BTBD1: variants seen among roughly 807,000 people sequenced by gnomAD.
BTBD1 encodes the protein BTB domain containing 1.
A neutral mutation model predicts 48.0 loss-of-function variants in BTBD1; 34 were observed. That is an observed-to-expected ratio of 0.71 (90% CI 0.54 to 0.94). The LOEUF (loss-of-function observed/expected upper bound fraction) is 0.94, where lower values mean the gene tolerates loss of function less well. Among genes scored for constraint, BTBD1 ranks in the 40% least tolerant of loss-of-function variants. The pLI is 0.00. For missense variants in BTBD1, 543 were observed against 625.6 expected (o/e 0.87, Z 1.41); for synonymous variants, 261 against 242.1 (o/e 1.08, Z -0.72).
rs775600317 is a variant in BTBD1 at position 83,037,655 on chromosome 15, CCTATTCAACATAGTA to C, written c.862+4058_862+4072del. On this transcript the variant is annotated intron_variant, in intron 4 of 7. Coordinates refer to ENST00000261721, the MANE Select transcript of BTBD1 (RefSeq NM_025238.4). ...GACAAGGATGCTCACTCTAACCACTCCTATTCAACATAGTACTGGTAGTCCCAGCCAGAGCAATCA... is the reference window on the plus strand; with the variant it reads ...GACAAGGATGCTCACTCTAACCACTCCTGGTAGTCCCAGCCAGAGCAATCA... 3.1e-4 allele frequency among the ~76,000 whole-genome samples: 47 copies of C among 152,262 alleles called. 1 individual carries two copies. Among genetic ancestry groups the C allele is most frequent in the Middle Eastern group, 6.8e-3 (2 of 294 alleles).
chr15:83,027,390 A>G (rs1368625267), intron 5 of BTBD1, among the ~76,000 whole-genome samples: 2 of 152,074 alleles, frequency 1.3e-5, no homozygotes, highest in African/African-American at 4.8e-5. Flanking sequence ...AGTATATTCT[A>G]TTTTCTTTAT....
intron 1 of BTBD1, among the ~76,000 whole-genome samples, chr15:83,065,517 T>C (rs571079830): frequency 1.3e-5 from 2 of 152,366 alleles, no homozygotes; most frequent in Admixed American, 6.5e-5. Context: ...CTGATTCAAC[T>C]GTGAACCTTT....
chr15:83,066,727 GGCCC>G lies in BTBD1; in HGVS notation c.401+20_401+23del, dbSNP rs2033282390. On this transcript the variant is annotated intron_variant, in intron 1 of 7. Transcript: ENST00000261721. ...GGCCCGGCCCGGCCCGGCCCGGCCCGGCCCGGCCCGCGCTGCCGCTCACCTCAGC... is the reference window on the plus strand; with the variant it reads ...GGCCCGGCCCGGCCCGGCCCGGCCCGGGCCCGCGCTGCCGCTCACCTCAGC... 7.7e-7 allele frequency: 1 copy of G among 1,303,988 alleles called. No homozygotes were observed. The highest frequency in any genetic ancestry group is 9.7e-7 in the Non-Finnish European group (1 of 1,030,398). The allele number at this position is 1,303,988 out of a possible 1,614,324, so 80.8% of individuals were successfully genotyped here. A position where few individuals can be genotyped will look rare whatever the true frequency, so the allele number is the denominator to read the frequency against.
At chr15:83,043,860 A>G (rs371151614) in intron 3 of BTBD1, among the ~76,000 whole-genome samples, 119 of 152,318 alleles carry the variant, frequency 7.8e-4, no homozygotes, top group Middle Eastern at 3.4e-3. Context: ...TTTGACATCC[A>G]AGTATAAACG....
chr15:83,040,807 G>C (rs1283837002), intron 4 of BTBD1, among the ~76,000 whole-genome samples: 1 of 151,596 alleles, frequency 6.6e-6, no homozygotes, highest in African/African-American at 2.4e-5. Context: ...AATGAAAACA[G>C]GTCAGAAGTG....
At chr15:83,042,374 A>ATATATG (rs1555440271) in intron 3 of BTBD1, among the ~76,000 whole-genome samples, 1 of 121,978 alleles carries the variant, frequency 8.2e-6, no homozygotes. Context: ...ATATATATAT[A>ATATATG]TATGTATGTA....
At chr15:83,061,127 G>C (rs1374153392) in intron 1 of BTBD1, among the ~76,000 whole-genome samples, 1 of 152,158 alleles carries the variant, frequency 6.6e-6, no homozygotes, top group African/African-American at 2.4e-5. Flanking sequence ...CAATGGTATA[G>C]CCTACTACGC....
Position 83,018,825 on chromosome 15 carries a change from A to T in BTBD1, c.1172T>A (p.Leu391Gln), listed in dbSNP as rs765806228. ...ACTAAAGCCGGTATCATTCTGTCCC[A>T]GGGTTTGCTTTTTCTCATATTCAAT... ...QIIEYEKKQTLGQNDTGFSCD... is the reference protein window; with the variant it reads ...QIIEYEKKQTQGQNDTGFSCD... The change falls in exon 7 of 8, where the codon CTG (leucine) becomes CAG (glutamine). Residue 391 changes from leucine to glutamine, a missense_variant. Physicochemically the swap from Leu to Gln is moderately radical, Grantham distance 113. Around this residue, in one of 3 missense-constraint regions of BTBD1, gnomAD observed 300 missense variants for 350.0 expected, o/e 0.86. Coordinates refer to ENST00000261721, the MANE Select transcript of BTBD1 (RefSeq NM_025238.4). 6.2e-7 allele frequency: 1 copy of T among 1,613,846 alleles called. No individual in the cohort carries two copies. The highest frequency in any genetic ancestry group is 8.5e-7 in the Non-Finnish European group (1 of 1,179,880).
rs141376981 is a variant in BTBD1, at chr15:83,031,777, T to C, written c.863-1449A>G. On this transcript the variant is annotated intron_variant, in intron 4 of 7. Transcript: ENST00000261721. ...ATGTACCCTAGAACTTAAAGTATAA[T>C]TAAAAAAAAAAAGAAGATATACAAG... Among the ~76,000 whole-genome samples the C allele has an allele frequency of 5.3e-3, 793 of 148,646 alleles. 1 individual carries two copies. The highest frequency in any genetic ancestry group is 0.021 in the Middle Eastern group (6 of 288).
chr15:83,047,990 G>C (rs2032910434), intron 3 of BTBD1, among the ~76,000 whole-genome samples: 1 of 152,164 alleles, frequency 6.6e-6, no homozygotes, highest in Non-Finnish European at 1.5e-5. Context: ...GAGTGTATGG[G>C]AGCAAGACTG....
intron 3 of BTBD1, among the ~76,000 whole-genome samples, chr15:83,049,625 G>A (rs1293705041): frequency 6.6e-6 from 1 of 151,954 alleles, no homozygotes; most frequent in East Asian, 1.9e-4. Flanking sequence ...AGGGGTACAT[G>A]TGCAGGTTTG....
intron 5 of BTBD1, among the ~76,000 whole-genome samples, chr15:83,028,437 C>T (rs2032453326): frequency 6.6e-6 from 1 of 152,138 alleles, no homozygotes; most frequent in Non-Finnish European, 1.5e-5. Flanking sequence ...GGTACAGATT[C>T]AATATCCTAA....
At chr15:83,027,050 A>G (rs1035365870) in intron 5 of BTBD1, among the ~76,000 whole-genome samples, 1 of 152,104 alleles carries the variant, frequency 6.6e-6, no homozygotes, top group Admixed American at 6.6e-5. Context: ...TTATAATCTT[A>G]AGTCCTAAAA....
In BTBD1 at chr15:83,022,667, G is replaced by GA. The variant is rs796084572; in HGVS notation, c.1056-1906dup. ...ACAGAGCGGGACTCCATCTCAAAAA[G>GA]AAAAAAAAAAAATAGACCAGGCACA... On this transcript the variant is annotated intron_variant, in intron 5 of 7. Coordinates refer to ENST00000261721, the MANE Select transcript of BTBD1 (RefSeq NM_025238.4). 227 of 117,982 alleles carry GA rather than the reference G, an allele frequency of 1.9e-3. 1 individual carries two copies. The highest frequency in any genetic ancestry group is 0.016 in the Middle Eastern group (2 of 126). The allele number at this position is 117,982 out of a possible 1,614,324, so 7.3% of individuals were successfully genotyped here.
At position 83,050,123 on chromosome 15, in the gene BTBD1, T is replaced by C. The variant is rs116738920; in HGVS notation, c.614A>G (p.Lys205Arg). Residue 205 changes from lysine (K) to arginine (R), a missense_variant, in exon 3 of 8, where the codon AAA (lysine) becomes AGA (arginine). Physicochemically the swap from Lys to Arg is conservative, Grantham distance 26. Coordinates refer to ENST00000261721, the MANE Select transcript of BTBD1 (RefSeq NM_025238.4). ...LASLCLDTID[K>R]STMDAISAEG... is the part of the protein sequence containing the mutation. ...TGCACTTATTGCATCCATTGTGCTT[T>C]TGTCTATTGTATCTAGACAAAGACT... The C allele has an allele frequency of 3.4e-4, 555 of 1,613,392 alleles. 4 individuals carry two copies. In the Middle Eastern group the frequency reaches 3.6e-3, roughly 11 times the overall value.
At chr15:83,029,075 T>G (rs936873119) in intron 5 of BTBD1, among the ~76,000 whole-genome samples, 1 of 152,090 alleles carries the variant, frequency 6.6e-6, no homozygotes. Context: ...TTTTTCTTTG[T>G]GTGCAGCTTT....
At chr15:83,047,335 G>A (rs1419336317) in intron 3 of BTBD1, among the ~76,000 whole-genome samples, 1 of 152,178 alleles carries the variant, frequency 6.6e-6, no homozygotes, top group Non-Finnish European at 1.5e-5. Flanking sequence ...AGATTCAGGG[G>A]AAGAAGGATC....
At chr15:83,059,834 C>T (rs2151314466) in intron 1 of BTBD1, among the ~76,000 whole-genome samples, 2 of 152,280 alleles carry the variant, frequency 1.3e-5, no homozygotes, top group Admixed American at 1.3e-4. Flanking sequence ...TCAAGCAATC[C>T]TCCCGCCTCA....
chr15:83,027,824 C>T (rs1345707518), intron 5 of BTBD1, among the ~76,000 whole-genome samples: 1 of 152,176 alleles, frequency 6.6e-6, no homozygotes, highest in Non-Finnish European at 1.5e-5. Context: ...AGACATAACA[C>T]GCCTGTACTG....
Sources: gnomAD v4.1 joint callset for allele counts (sites outside exome capture counted in the v4.1 genomes callset) on GRCh38, gnomAD v4.1.1 for gene constraint, gnomAD v4.1.1 regional missense constraint, MANE v1.5 for transcripts, NCBI Gene and HGNC (gene_info 2026-07-23, HGNC 2026-07-21) for gene names.